Variants in BMP7 observed in about 807,000 individuals in gnomAD.
BMP7 encodes osteogenic protein 1.
Under a neutral mutation model 41.2 loss-of-function variants are expected in BMP7, and 12 were observed. The ratio of observed to expected loss-of-function variants is 0.29; its 90% CI spans 0.19 to 0.47. The LOEUF (loss-of-function observed/expected upper bound fraction) is 0.47, where lower values mean the gene tolerates loss of function less well. Among genes scored for constraint, BMP7 ranks in the 20% least tolerant of loss-of-function variants. The pLI, the probability that BMP7 is intolerant of heterozygous loss-of-function variation, is 0.99. For synonymous variants in BMP7, 248 were observed against 250.0 expected (o/e 0.99, Z 0.07); for missense variants, 467 against 606.0 (o/e 0.77, Z 2.41).
chr20:57,203,862 G>A (rs1984676038), intron 2 of BMP7, among the ~76,000 whole-genome samples: 1 of 152,206 alleles, frequency 6.6e-6, no homozygotes, highest in Admixed American at 6.5e-5. Context: ...AATCTTGTCT[G>A]CTCACACGTA....
At chr20:57,230,863 A>C (rs2066026802) in intron 1 of BMP7, among the ~76,000 whole-genome samples, 2 of 151,668 alleles carry the variant, frequency 1.3e-5, no homozygotes, top group South Asian at 4.2e-4. Flanking sequence ...TTTTTAGTAG[A>C]GATGGGATTT....
intron 2 of BMP7, among the ~76,000 whole-genome samples, chr20:57,204,547 G>A (rs537631253): frequency 4.1e-4 from 63 of 152,350 alleles, no homozygotes; most frequent in African/African-American, 1.3e-3. Flanking sequence ...AGGCAGGTGC[G>A]AGGGCACAGC....
rs1467466217 is a variant in BMP7, at chr20:57,230,142, G to A, written c.419-1721C>T. 3.9e-5 allele frequency among the ~76,000 whole-genome samples: 6 copies of A among 152,126 alleles called. 1 individual carries two copies. Among genetic ancestry groups the A allele is most frequent in the East Asian group, 3.9e-4 (2 of 5,178 alleles). ...GGGAGGGAAGGACTCTCCAGAAACC[G>A]TTCCGGGGTCCTTCCAGATGACAGC... On this transcript the variant is annotated intron_variant, in intron 1 of 6. Transcript: ENST00000395863.
Position 57,224,944 on chromosome 20 carries a change from G to A in BMP7, c.611+3285C>T, listed in dbSNP as rs902292197. The A allele has an allele frequency of 6.6e-6, 1 of 152,322 alleles. No homozygotes were observed. The highest frequency in any genetic ancestry group is 6.5e-5 in the Admixed American group (1 of 15,290). The allele number at this position is 152,322 out of a possible 1,614,324, so 9.4% of individuals were successfully genotyped here. ...TCAGTGGAAAGTGACTCCCACAAGG[G>A]GAGAGACGCTGAGGCTGACCCAAAG... On this transcript the variant is annotated intron_variant, in intron 2 of 6. Transcript: ENST00000395863. This position sits in a 1 kb window ranked among gnomAD's most constrained non-coding sequence, Gnocchi z 4.8.
At chr20:57,248,092 T>A (rs1220078428) in intron 1 of BMP7, among the ~76,000 whole-genome samples, 1 of 152,196 alleles carries the variant, frequency 6.6e-6, no homozygotes, top group Non-Finnish European at 1.5e-5. Context: ...TTAATGTCAA[T>A]GTGCAACCAA....
At chr20:57,232,658 A>G (rs1262392128) in intron 1 of BMP7, among the ~76,000 whole-genome samples, 1 of 152,212 alleles carries the variant, frequency 6.6e-6, no homozygotes, top group Admixed American at 6.5e-5. Context: ...TCAGGGATAA[A>G]GTGAGGAACT....
intron 1 of BMP7, among the ~76,000 whole-genome samples, chr20:57,253,991 C>CATTGTATTT (rs926145221): frequency 7.1e-6 from 1 of 140,378 alleles, no homozygotes; most frequent in South Asian, 2.3e-4. Context: ...CAGGATACCA[C>CATTGTATTT]ATTGTATTTT....
chr20:57,217,499 T>C (rs1405923936), intron 2 of BMP7, among the ~76,000 whole-genome samples: 1 of 152,242 alleles, frequency 6.6e-6, no homozygotes, highest in Non-Finnish European at 1.5e-5. Context: ...CGTGTGGCTG[T>C]GACCCACGTC....
chr20:57,217,839 C>T (rs1279556178), intron 2 of BMP7, among the ~76,000 whole-genome samples: 1 of 152,172 alleles, frequency 6.6e-6, no homozygotes, highest in East Asian at 1.9e-4. Flanking sequence ...GAAAACTGTA[C>T]CCTATTGATG....
intron 3 of BMP7, among the ~76,000 whole-genome samples, chr20:57,192,432 C>T (rs1984392174): frequency 6.6e-6 from 1 of 150,772 alleles, no homozygotes; most frequent in African/African-American, 2.4e-5. Flanking sequence ...CCAGGAAGGG[C>T]TGAGAAAGGT....
At chr20:57,178,336 G>A (rs1426619058) in intron 4 of BMP7, among the ~76,000 whole-genome samples, 1 of 152,112 alleles carries the variant, frequency 6.6e-6, no homozygotes, top group Non-Finnish European at 1.5e-5. Flanking sequence ...GTGGGCGGAG[G>A]GAAGATCTGC....
chr20:57,260,054 C>A (rs551665228), intron 1 of BMP7, among the ~76,000 whole-genome samples: 3 of 152,094 alleles, frequency 2.0e-5, no homozygotes, highest in Admixed American at 6.5e-5. Flanking sequence ...AGTGAACAAA[C>A]GCCCTTCCTC....
At chr20:57,205,310 A>G (rs1169607809) in intron 2 of BMP7, among the ~76,000 whole-genome samples, 2 of 152,166 alleles carry the variant, frequency 1.3e-5, no homozygotes, top group East Asian at 3.8e-4. Flanking sequence ...ATTATTTTTC[A>G]TGACTCATTT....
intron 4 of BMP7, among the ~76,000 whole-genome samples, chr20:57,182,790 C>T (rs1245295906): frequency 6.6e-6 from 1 of 152,276 alleles, no homozygotes; most frequent in East Asian, 1.9e-4. Context: ...TCCTGGAAGT[C>T]TCCTTCGCAC....
At position 57,171,670 on chromosome 20, in the gene BMP7, C is replaced by A. The variant is rs1437822745; in HGVS notation, c.1147-562G>T. On this transcript the variant is annotated intron_variant, in intron 6 of 6. Transcript: ENST00000395863. This position sits in a 1 kb window ranked among gnomAD's most constrained non-coding sequence, Gnocchi z 4.5. The stretch of plus-strand genomic sequence containing the variant: ...CCAACCAAGATCAGTGTTAGCAGAT[C>A]TGCCACGTGTTCAAGACAGGCCAGA... 1.3e-5 allele frequency among the ~76,000 whole-genome samples: 2 copies of A among 152,214 alleles called. No homozygotes were observed. Among genetic ancestry groups the A allele is most frequent in the East Asian group, 3.8e-4 (2 of 5,198 alleles).
At chr20:57,229,925 C>G (rs113858283) in intron 1 of BMP7, among the ~76,000 whole-genome samples, 3,358 of 152,224 alleles carry the variant, frequency 0.022, 52 homozygotes, top group Non-Finnish European at 0.032. Flanking sequence ...AAAAAGAGAG[C>G]AGGGTGAGGG....
intron 3 of BMP7, among the ~76,000 whole-genome samples, chr20:57,193,569 T>C (rs985542517): frequency 1.3e-5 from 2 of 152,252 alleles, no homozygotes; most frequent in Non-Finnish European, 2.9e-5. Flanking sequence ...CTCTTTTGCA[T>C]TGGCTTATTC....
At chr20:57,265,205 C>T (rs987607153) in intron 1 of BMP7, among the ~76,000 whole-genome samples, 23 of 152,224 alleles carry the variant, frequency 1.5e-4, no homozygotes, top group African/African-American at 4.8e-4. Context: ...GCGCGCGGTA[C>T]GCTAAGGCGG....
chr20:57,243,437 C>G (rs888385179), intron 1 of BMP7, among the ~76,000 whole-genome samples: 1 of 152,016 alleles, frequency 6.6e-6, no homozygotes, highest in African/African-American at 2.4e-5. Context: ...TGAGATCGTA[C>G]CACTGCACTC....
Sources: allele counts gnomAD v4.1 joint callset (sites outside exome capture counted in the v4.1 genomes callset), GRCh38; gene constraint gnomAD v4.1.1; non-coding constraint Gnocchi (gnomAD v3.1); transcripts MANE v1.5; gene names NCBI Gene and HGNC (gene_info 2026-07-23, HGNC 2026-07-21).